Variants in ARID3A observed in about 807,000 individuals in gnomAD.
The protein encoded by ARID3A is AT-rich interactive domain-containing protein 3A.
A neutral mutation model predicts 52.7 loss-of-function variants in ARID3A; 11 were observed. The observed-to-expected ratio is 0.21, with a 90% CI of 0.13 to 0.35. ARID3A has a LOEUF of 0.35. ARID3A is among the 10% of genes least tolerant of loss of function. The pLI is 1.00. For synonymous variants in ARID3A, 404 were observed against 359.4 expected, an observed-to-expected ratio of 1.12 and a Z score of -1.40; for missense variants, 721 against 838.5, an observed-to-expected ratio of 0.86 and a Z score of 1.73.
At chr19:954,719 C>G (rs532434017) in intron 3 of ARID3A, among the ~76,000 whole-genome samples, 3 of 152,156 alleles carry the variant, frequency 2.0e-5, no homozygotes, top group Admixed American at 6.5e-5. Flanking sequence ...CGGGGGGCTC[C>G]CCTCCAGGGA....
intron 1 of ARID3A, among the ~76,000 whole-genome samples, chr19:926,874 TGG>T (rs1568351799): frequency 2.6e-5 from 4 of 151,412 alleles, no homozygotes; most frequent in African/African-American, 9.8e-5. Flanking sequence ...GCGCTCGGGC[TGG>T]AGGGGTTCCC....
rs2037717701 is a variant in ARID3A, at chr19:947,784, G to T, written c.694-12308G>T. Reference sequence around the variant, plus strand: ...GTGCGGCGCTGTGTATTTCCAGAGAGGGGACTCGGGGCCCATCAGGGCCGG... The same window carrying T: ...GTGCGGCGCTGTGTATTTCCAGAGATGGGACTCGGGGCCCATCAGGGCCGG... On this transcript the variant is annotated intron_variant, in intron 3 of 8. Transcript: ENST00000263620. This position sits in a 1 kb window ranked among gnomAD's most constrained non-coding sequence, Gnocchi z 6.3. Among the ~76,000 whole-genome samples, 1 of 152,246 alleles carries T rather than the reference G, an allele frequency of 6.6e-6. No individual in the cohort carries two copies. The highest frequency in any genetic ancestry group is 2.1e-4 in the South Asian group (1 of 4,832).
intron 3 of ARID3A, among the ~76,000 whole-genome samples, chr19:957,771 G>T (rs1271609435): frequency 1.3e-5 from 2 of 152,214 alleles, no homozygotes; most frequent in South Asian, 4.1e-4. Context: ...TTGAGCCCAG[G>T]AGGTTGAGGC....
intron 3 of ARID3A, among the ~76,000 whole-genome samples, chr19:950,631 C>T (rs571611806): frequency 1.1e-4 from 16 of 152,280 alleles, no homozygotes; most frequent in Admixed American, 3.9e-4. Context: ...CACGGTTGAC[C>T]GTGGAGCAGG....
At chr19:927,988 G>T (rs936156556) in intron 1 of ARID3A, among the ~76,000 whole-genome samples, 6 of 152,120 alleles carry the variant, frequency 3.9e-5, no homozygotes, top group Admixed American at 2.6e-4. Context: ...TCTCTTGTCC[G>T]GTGACTGGGG....
intron 3 of ARID3A, among the ~76,000 whole-genome samples, chr19:949,729 T>C (rs1432021869): frequency 7.0e-6 from 1 of 142,586 alleles, no homozygotes; most frequent in Non-Finnish European, 1.5e-5. Flanking sequence ...CAGGCTGGAG[T>C]GCAGTGGTGC....
Position 964,032 on chromosome 19 carries a change from G to T in ARID3A, c.767-216G>T, listed in dbSNP as rs978931033. Among the ~76,000 whole-genome samples, 3 of 152,192 alleles carry T rather than the reference G, an allele frequency of 2.0e-5. No individual in the cohort carries two copies. In the South Asian group the frequency reaches 6.2e-4, roughly 32 times the overall value. ...AGCCCAGGTTACTGGTGGATAAACC[G>T]AGGCAGAGCTGCCCCCTCTGCACCC... On this transcript the variant is annotated intron_variant, in intron 4 of 8. Transcript: ENST00000263620. This position sits in a 1 kb window ranked among gnomAD's most constrained non-coding sequence, Gnocchi z 5.7.
intron 3 of ARID3A, among the ~76,000 whole-genome samples, chr19:952,587 C>G (rs1287598855): frequency 6.6e-6 from 1 of 152,098 alleles, no homozygotes; most frequent in Non-Finnish European, 1.5e-5. Context: ...AAACGCTAGA[C>G]ACTTGGATTC....
intron 3 of ARID3A, among the ~76,000 whole-genome samples, chr19:940,034 C>G (rs529373193): frequency 6.6e-6 from 1 of 151,876 alleles, no homozygotes; most frequent in Non-Finnish European, 1.5e-5. Context: ...CCACATCCCT[C>G]GAGGGGTCAG....
intron 6 of ARID3A, 81 bp downstream of exon 6, chr19:965,161 C>G (rs1423995993): frequency 1.8e-5 from 26 of 1,442,648 alleles, no homozygotes; most frequent in Non-Finnish European, 2.4e-5. Flanking sequence ...TACCTCTTCC[C>G]CTCTCTGGGT....
At chr19:935,594 C>T (rs2145366168) in intron 3 of ARID3A, among the ~76,000 whole-genome samples, 1 of 152,306 alleles carries the variant, frequency 6.6e-6, no homozygotes, top group African/African-American at 2.4e-5. Flanking sequence ...CCTTCTGCCT[C>T]AGCCTCCTGA....
rs182218059 is a variant in ARID3A at position 968,684 on chromosome 19, G to A, written c.1594+181G>A. 1.7e-5 allele frequency: 10 copies of A among 584,502 alleles called. 1 individual carries two copies. The highest frequency in any genetic ancestry group is 4.6e-4 in the Middle Eastern group (1 of 2,170). 36.2% of individuals were successfully genotyped at this position (584,502 alleles called of 1,614,324 possible). ...ATGGAGAGGATACCATCGTTCACCC[G>A]GTACCACGCTCAGCCCAGAGGGGGT... is the stretch of plus-strand genomic sequence containing the variant. On this transcript the variant is annotated intron_variant, in intron 8 of 8. Coordinates refer to ENST00000263620, the MANE Select transcript of ARID3A (RefSeq NM_005224.3).
intron 6 of ARID3A, chr19:965,297 G>T: frequency 1.7e-6 from 1 of 577,818 alleles, no homozygotes; most frequent in East Asian, 2.9e-5. Flanking sequence ...GGCAGACATT[G>T]CTAATCAATC....
At position 974,314 on chromosome 19, in the gene ARID3A, T is replaced by G. The variant is rs985278747; in HGVS notation, c.*2249T>G. The G allele has an allele frequency of 1.8e-5, 4 of 227,536 alleles. No individual in the cohort carries two copies. Among genetic ancestry groups the G allele is most frequent in the African/African-American group, 8.9e-5 (4 of 44,822 alleles). The allele number at this position is 227,536 out of a possible 1,614,324, so 14.1% of individuals were successfully genotyped here. ...CAGGAGGGGGTGGTGGGCGTCTAGG[T>G]TTTCCTTGTCCCTTCCTGGGGCCAG... On this transcript the variant is annotated 3_prime_UTR_variant, in exon 9 of 9. Transcript: ENST00000263620.
At chr19:962,480 G>C (rs554213898) in intron 4 of ARID3A, among the ~76,000 whole-genome samples, 1 of 146,702 alleles carries the variant, frequency 6.8e-6, no homozygotes, top group Non-Finnish European at 1.5e-5. Context: ...GAGCCAGGGC[G>C]TGGCCCTGGG....
At position 942,806 on chromosome 19, in the gene ARID3A, A is replaced by C. The variant is rs184598540; in HGVS notation, c.693+10064A>C. Among the ~76,000 whole-genome samples, 55 of 152,340 alleles carry C rather than the reference A, an allele frequency of 3.6e-4. No individual in the cohort carries two copies. The highest frequency in any genetic ancestry group is 1.2e-3 in the African/African-American group (51 of 41,576). The stretch of plus-strand genomic sequence containing the variant: ...GCCACCCTCAGAGACGGAGAACGTG[A>C]GAGCAAGTAAGAACCCGCCTTCCGG... On this transcript the variant is annotated intron_variant, in intron 3 of 8. Transcript: ENST00000263620. The surrounding 1 kb of genome is among the most constrained non-coding windows in gnomAD (Gnocchi z 8.1).
At position 938,880 on chromosome 19, in the gene ARID3A, T is replaced by G. The variant is rs1388744428; in HGVS notation, c.693+6138T>G. ...TCTTTTTTTGGTCTTTTCAGCTCAT[T>G]TGTTTTTTTTAATTGTGGAAAATAC... On this transcript the variant is annotated intron_variant, in intron 3 of 8. Coordinates refer to ENST00000263620, the MANE Select transcript of ARID3A (RefSeq NM_005224.3). This position sits in a 1 kb window ranked among gnomAD's most constrained non-coding sequence, Gnocchi z 4.0. Among the ~76,000 whole-genome samples the G allele has an allele frequency of 1.3e-5, 2 of 151,956 alleles. No individual in the cohort carries two copies. Among genetic ancestry groups the G allele is most frequent in the Non-Finnish European group, 2.9e-5 (2 of 68,010 alleles).
Position 929,453 on chromosome 19 carries a change from G to GCCCCC in ARID3A, c.-74_-73insCCCCC. The GCCCCC allele has an allele frequency of 1.2e-5, 16 of 1,323,598 alleles. No individual in the cohort carries two copies. The highest frequency in any genetic ancestry group is 1.5e-5 in the Non-Finnish European group (15 of 1,034,016). The allele number at this position is 1,323,598 out of a possible 1,614,324, so 82.0% of individuals were successfully genotyped here. On this transcript the variant is annotated 5_prime_UTR_variant, in exon 2 of 9. Transcript: ENST00000263620. This position sits in a 1 kb window ranked among gnomAD's most constrained non-coding sequence, Gnocchi z 6.2. ...GCGGCCGGGCCCCCTCCCCGCAGGG[G>GCCCCC]CCGCCCCCGCCGCCCACCCCTAGCG...
intron 4 of ARID3A, chr19:962,044 G>A (rs1434193153): frequency 6.6e-6 from 1 of 152,162 alleles, no homozygotes; most frequent in African/African-American, 2.4e-5. Context: ...AATTCCTACA[G>A]GACAGGAGAC....
Sources: allele counts gnomAD v4.1 joint callset (sites outside exome capture counted in the v4.1 genomes callset), GRCh38; gene constraint gnomAD v4.1.1; non-coding constraint Gnocchi (gnomAD v3.1); transcripts MANE v1.5; gene names NCBI Gene and HGNC (gene_info 2026-07-23, HGNC 2026-07-21).